The following USP32 variants were observed in gnomAD, a reference collection of about 807,000 sequenced individuals.
USP32 encodes ubiquitin carboxyl-terminal hydrolase 32.
In USP32, 59 loss-of-function variants were observed where a neutral mutation model predicts 204.8. The observed-to-expected ratio is 0.29, with a 90% CI of 0.23 to 0.36. USP32 has a LOEUF of 0.36. USP32 is among the 10% of genes least tolerant of loss of function. The pLI, the probability that USP32 is intolerant of heterozygous loss-of-function variation, is 1.00. For synonymous variants in USP32, 517 were observed against 678.4 expected, an observed-to-expected ratio of 0.76 and a Z score of 3.70; for missense variants, 1,160 against 1,946.4, an observed-to-expected ratio of 0.60 and a Z score of 7.60.
At chr17:60,228,665 T>TA (rs901978684) in intron 12 of USP32, among the ~76,000 whole-genome samples, 24 of 150,340 alleles carry the variant, frequency 1.6e-4, no homozygotes, top group Non-Finnish European at 2.7e-4. Context: ...AAAAAAATAT[T>TA]AAAAAAAAAT....
At chr17:60,227,528 C>T (rs2085427629) in intron 12 of USP32, among the ~76,000 whole-genome samples, 1 of 151,914 alleles carries the variant, frequency 6.6e-6, no homozygotes, top group Non-Finnish European at 1.5e-5. Context: ...CCTGGGCCTC[C>T]CAAAGTGCTG....
At chr17:60,373,501 T>C (rs2089483453) in intron 1 of USP32, among the ~76,000 whole-genome samples, 1 of 150,932 alleles carries the variant, frequency 6.6e-6, no homozygotes, top group Non-Finnish European at 1.5e-5. Flanking sequence ...TAGAGTGCAG[T>C]GGCACGATCT....
intron 11 of USP32, among the ~76,000 whole-genome samples, chr17:60,247,249 G>A (rs1372788254): frequency 1.3e-5 from 2 of 151,810 alleles, no homozygotes; most frequent in Admixed American, 6.6e-5. Flanking sequence ...GGGCAATCTC[G>A]GCTCACTGCA....
At chr17:60,241,433 TA>T (rs1278366244) in intron 11 of USP32, among the ~76,000 whole-genome samples, 2 of 139,500 alleles carry the variant, frequency 1.4e-5, no homozygotes, top group Non-Finnish European at 2.9e-5. Flanking sequence ...AAAAAATTAT[TA>T]TTTTTTTTAT....
At chr17:60,411,109 A>T (rs2090014960) in intron 1 of USP32, among the ~76,000 whole-genome samples, 1 of 151,994 alleles carries the variant, frequency 6.6e-6, no homozygotes, top group South Asian at 2.1e-4. Flanking sequence ...CAGGCGGATC[A>T]CCTGAGGTTG....
In USP32 at chr17:60,208,805, T is replaced by C; in HGVS notation, c.2622A>G (p.Arg874=). The C allele has an allele frequency of 1.9e-6, 3 of 1,603,456 alleles. No homozygotes were observed. Among genetic ancestry groups the C allele is most frequent in the Non-Finnish European group, 2.6e-6 (3 of 1,175,964 alleles). ...AAEAWDNHLR[R]NRSIVVDLFH... The stretch of plus-strand genomic sequence containing the variant: ...ACAAATCCACAACAATTGATCTATT[T>C]CTTCTTAGATGGTTGTCCCAGGCCT... The change falls in exon 23 of 34, where the codon AGA becomes AGG. Residue 874 remains arginine (R), a synonymous_variant. Coordinates refer to ENST00000300896, the MANE Select transcript of USP32 (RefSeq NM_032582.4).
At chr17:60,375,528 AC>A (rs1193073461) in intron 1 of USP32, among the ~76,000 whole-genome samples, 1 of 152,214 alleles carries the variant, frequency 6.6e-6, no homozygotes, top group East Asian at 1.9e-4. Context: ...ATATATGCAC[AC>A]CCATGAAGTG....
chr17:60,369,017 C>T (rs1489292871), intron 1 of USP32, among the ~76,000 whole-genome samples: 5 of 91,610 alleles, frequency 5.5e-5, no homozygotes, highest in African/African-American at 1.6e-4. Flanking sequence ...TTTTTTGAGA[C>T]GGAGTCTCGC....
chr17:60,392,354 CG>C (rs2089856640), upstream of USP32: 1 of 273,148 alleles, frequency 3.7e-6, no homozygotes, highest in Non-Finnish European at 7.2e-6. Context: ...GCAGGAGCGC[CG>C]GGGAGGGGGA....
At chr17:60,203,822 G>T (rs1423461737) in intron 26 of USP32, among the ~76,000 whole-genome samples, 3 of 152,084 alleles carry the variant, frequency 2.0e-5, no homozygotes, top group East Asian at 3.9e-4. Context: ...CGATCCACCC[G>T]CTTCGGCCTC....
intron 2 of USP32, among the ~76,000 whole-genome samples, chr17:60,332,351 C>T (rs1038135750): frequency 4.6e-5 from 7 of 151,644 alleles, no homozygotes; most frequent in Non-Finnish European, 7.4e-5. Flanking sequence ...TCTATCGCCT[C>T]AAAAGTTTAC....
rs1006890404 is a variant in USP32 at position 60,392,013 on chromosome 17, T to TCA, written c.-75_-74insTG. 134 of 1,339,350 alleles carry TCA rather than the reference T, an allele frequency of 1.0e-4. 1 individual carries two copies. The highest frequency in any genetic ancestry group is 1.2e-4 in the Non-Finnish European group (127 of 1,016,206). The allele number at this position is 1,339,350 out of a possible 1,614,324, so 83.0% of individuals were successfully genotyped here. A position where few individuals can be genotyped will look rare whatever the true frequency, so the allele number is the denominator to read the frequency against. ...CCCCCCTCCCGCCTTCTCCTCGGCG[T>TCA]CCCTGGGTGACGGTGACGGTGTCGG... On this transcript the variant is annotated 5_prime_UTR_variant, in exon 1 of 34. Transcript: ENST00000300896.
chr17:60,258,529 CA>C (rs2086373408), intron 9 of USP32: 1 of 154,176 alleles, frequency 6.5e-6, no homozygotes, highest in Admixed American at 6.5e-5. Context: ...AACAGCGTGA[CA>C]AAAGTGACTT....
intron 11 of USP32, among the ~76,000 whole-genome samples, chr17:60,250,419 A>G (rs922196587): frequency 6.6e-6 from 1 of 152,120 alleles, no homozygotes; most frequent in Admixed American, 6.5e-5. Context: ...GCTAAGTGAT[A>G]TTTACCTCAG....
intron 11 of USP32, among the ~76,000 whole-genome samples, chr17:60,246,389 ATG>A (rs1415184968): frequency 1.3e-5 from 2 of 150,632 alleles, no homozygotes; most frequent in African/African-American, 2.5e-5. Context: ...TTTATTGTGT[ATG>A]TGTGTGTGTA....
intron 30 of USP32, 107 bp from the exon 31 acceptor site, chr17:60,183,560 A>G (rs538136803): frequency 3.1e-5 from 43 of 1,408,292 alleles, no homozygotes; most frequent in Admixed American, 7.0e-5. Flanking sequence ...AATATATAAC[A>G]GAACATTTAC....
chr17:60,210,096 TAG>T (rs2084922397), intron 21 of USP32, among the ~76,000 whole-genome samples: 1 of 152,060 alleles, frequency 6.6e-6, no homozygotes, highest in Non-Finnish European at 1.5e-5. Context: ...CATTATATTA[TAG>T]AATTATTTTG....
intron 16 of USP32, among the ~76,000 whole-genome samples, chr17:60,218,339 G>A (rs1431174571): frequency 4.0e-5 from 6 of 151,850 alleles, no homozygotes; most frequent in Admixed American, 3.9e-4. Context: ...AGCCGAGATC[G>A]TGCCACTCCA....
chr17:60,220,944 A>G (rs1399310218), intron 15 of USP32, among the ~76,000 whole-genome samples: 1 of 151,966 alleles, frequency 6.6e-6, no homozygotes. Flanking sequence ...CACCGCGCCC[A>G]GCCAACACTG....
Sources: allele counts gnomAD v4.1 joint callset (sites outside exome capture counted in the v4.1 genomes callset), GRCh38; gene constraint gnomAD v4.1.1; transcripts MANE v1.5; gene names NCBI Gene and HGNC (gene_info 2026-07-23, HGNC 2026-07-21).